The following NRXN1 variants were observed in gnomAD, a reference collection of about 807,000 sequenced individuals.
NRXN1 encodes neurexin-1.
Under a neutral mutation model 150.9 loss-of-function variants are expected in NRXN1, and 39 were observed. That is an observed-to-expected ratio of 0.26 (90% CI 0.20 to 0.34). NRXN1 has a LOEUF of 0.34. Ranked by LOEUF, NRXN1 falls within the 10% of genes least tolerant of loss-of-function variation. The pLI is 1.00. For missense variants in NRXN1, 1,815 were observed against 1,949.9 expected (o/e 0.93, Z 1.30); for synonymous variants, 924 against 757.0 (o/e 1.22, Z -3.62).
At chr2:50,047,940 G>A (rs3861561) in intron 21 of NRXN1, among the ~76,000 whole-genome samples, 95,085 of 151,840 alleles carry the variant, frequency 0.63, 30,040 homozygotes, top group Middle Eastern at 0.67. Context: ...TATTTATCTC[G>A]GACTAGCTTT....
At chr2:50,411,870 G>A (rs541264247) in intron 17 of NRXN1, among the ~76,000 whole-genome samples, 1 of 152,356 alleles carries the variant, frequency 6.6e-6, no homozygotes, top group East Asian at 1.9e-4. Flanking sequence ...TTGTCAGATA[G>A]AAAAGGGGGA....
At chr2:50,082,119 A>G (rs2152685218) in intron 19 of NRXN1, among the ~76,000 whole-genome samples, 1 of 152,244 alleles carries the variant, frequency 6.6e-6, no homozygotes, top group African/African-American at 2.4e-5. Flanking sequence ...TCATTTCCTA[A>G]AAGCTAGATT....
chr2:50,019,774 G>A (rs1183604264), intron 21 of NRXN1, among the ~76,000 whole-genome samples: 2 of 149,726 alleles, frequency 1.3e-5, no homozygotes, highest in African/African-American at 2.5e-5. Flanking sequence ...GTGAAACCCC[G>A]TCTCTACTAA....
chr2:50,054,837 G>C (rs1693355829), intron 20 of NRXN1, 118 bp downstream of exon 20: 2 of 635,076 alleles, frequency 3.1e-6, no homozygotes, highest in African/African-American at 1.9e-5. Flanking sequence ...TTTTAAAGTT[G>C]TTTTTAATTT....
chr2:50,885,750 A>G (rs1043103039), intron 5 of NRXN1, among the ~76,000 whole-genome samples: 2 of 151,090 alleles, frequency 1.3e-5, no homozygotes, highest in African/African-American at 4.8e-5. Context: ...AATAATCTAA[A>G]TTAAGAACTC....
intron 5 of NRXN1, among the ~76,000 whole-genome samples, chr2:50,880,879 G>T (rs561757878): frequency 6.6e-6 from 1 of 152,004 alleles, no homozygotes; most frequent in South Asian, 2.1e-4. Flanking sequence ...CCCTGCCTCA[G>T]GTAACAAGCT....
At chr2:50,123,514 A>T (rs1299492290) in intron 18 of NRXN1, among the ~76,000 whole-genome samples, 1 of 152,164 alleles carries the variant, frequency 6.6e-6, no homozygotes, top group Non-Finnish European at 1.5e-5. Context: ...TGGGGAAGAT[A>T]GGTACTCATT....
intron 21 of NRXN1, among the ~76,000 whole-genome samples, chr2:49,980,299 C>G (rs1276694056): frequency 6.6e-6 from 1 of 152,110 alleles, no homozygotes; most frequent in Non-Finnish European, 1.5e-5. Context: ...CAGATGGATT[C>G]CAAGAGTCTG....
At chr2:50,201,111 A>T (rs2062131604) in intron 18 of NRXN1, among the ~76,000 whole-genome samples, 1 of 152,186 alleles carries the variant, frequency 6.6e-6, no homozygotes, top group Admixed American at 6.5e-5. Flanking sequence ...TCAGTAAACA[A>T]ATAGTTATTT....
intron 5 of NRXN1, among the ~76,000 whole-genome samples, chr2:50,897,522 A>G (rs1682183682): frequency 1.3e-5 from 2 of 152,222 alleles, no homozygotes; most frequent in South Asian, 4.1e-4. Context: ...TAAGAACATG[A>G]TTTAAGTGAA....
At chr2:50,947,798 CA>C (rs1690638354) in intron 2 of NRXN1, among the ~76,000 whole-genome samples, 1 of 151,952 alleles carries the variant, frequency 6.6e-6, no homozygotes, top group Non-Finnish European at 1.5e-5. Flanking sequence ...GTGAAATAGA[CA>C]TGTATAATAT....
chr2:50,234,066 T>A (rs1379518601), intron 18 of NRXN1, among the ~76,000 whole-genome samples: 1 of 152,096 alleles, frequency 6.6e-6, no homozygotes, highest in Non-Finnish European at 1.5e-5. Flanking sequence ...CTGGTTTTCA[T>A]TTTTTCTTTT....
At chr2:50,985,417 A>G (rs1697535133) in intron 2 of NRXN1, 1 of 151,878 alleles carries the variant, frequency 6.6e-6, no homozygotes, top group Admixed American at 6.6e-5. Context: ...CTTATCTTCA[A>G]CGTCGGTTAA....
intron 5 of NRXN1, among the ~76,000 whole-genome samples, chr2:50,785,246 T>TC (rs1704927319): frequency 7.1e-6 from 1 of 141,844 alleles, no homozygotes; most frequent in Admixed American, 7.1e-5. Flanking sequence ...AAATACACTT[T>TC]TTTTTTTTTT....
chr2:49,984,781 T>C (rs1308424130), intron 21 of NRXN1, among the ~76,000 whole-genome samples: 5 of 151,758 alleles, frequency 3.3e-5, no homozygotes. Context: ...AGAAGTTATA[T>C]TGCATAGTAG....
chr2:50,533,787 G>T (rs1054308850), intron 10 of NRXN1, among the ~76,000 whole-genome samples: 1 of 152,100 alleles, frequency 6.6e-6, no homozygotes, highest in Non-Finnish European at 1.5e-5. Context: ...TGCACTTTTA[G>T]ATCCCTCTGT....
At chr2:49,954,365 G>A (rs75757975) in intron 21 of NRXN1, among the ~76,000 whole-genome samples, 1,901 of 152,246 alleles carry the variant, frequency 0.012, 36 homozygotes, top group African/African-American at 0.042. Context: ...CCTCCGACCA[G>A]ATCTCCTGGA....
rs1671057411 is a variant in NRXN1 at position 51,028,921 on chromosome 2, A to G, written c.-648T>C. ...GCTTCAAAGGCCTGCTTCTTCTGTC[A>G]TAGCATGGGCTTCAGCACCGCTGCA... On this transcript the variant is annotated 5_prime_UTR_variant, in exon 2 of 23. An upstream start codon of the reference 5' UTR is lost. Coordinates refer to ENST00000401669, the MANE Select transcript of NRXN1 (RefSeq NM_001330078.2). 1 of 152,226 alleles carries G rather than the reference A, an allele frequency of 6.6e-6. No individual in the cohort carries two copies. 9.4% of individuals were successfully genotyped at this position (152,226 alleles called of 1,614,324 possible).
chr2:50,822,195 G>A (rs1265831522), intron 5 of NRXN1, among the ~76,000 whole-genome samples: 1 of 151,934 alleles, frequency 6.6e-6, no homozygotes, highest in African/African-American at 2.4e-5. Context: ...ATAAAACAAA[G>A]TGAAAGATTA....
Sources: gnomAD v4.1 joint callset for allele counts (sites outside exome capture counted in the v4.1 genomes callset) on GRCh38, gnomAD v4.1.1 for gene constraint, MANE v1.5 for transcripts, NCBI Gene and HGNC (gene_info 2026-07-23, HGNC 2026-07-21) for gene names.